Variants in SLC24A5 observed in about 807,000 individuals in gnomAD.
SLC24A5 encodes the protein solute carrier family 24 member 5, also known as sodium/potassium/calcium exchanger 5.
SLC24A5 carries 46 observed loss-of-function variants against 51.6 expected under a neutral mutation model. The observed-to-expected ratio is 0.89, with a 90% CI of 0.70 to 1.14. SLC24A5 has a LOEUF of 1.14. SLC24A5 is among the 50% of genes most tolerant of loss of function. The probability of loss-of-function intolerance (pLI) is 0.00; values close to 1 mark genes in which losing one functional copy is unlikely to be tolerated. For synonymous variants in SLC24A5, 230 were observed against 214.9 expected (o/e 1.07, Z -0.62); for missense variants, 581 against 604.1 (o/e 0.96, Z 0.40).
chr15:48,132,406 C>G (rs1690861965), intron 2 of SLC24A5, among the ~76,000 whole-genome samples: 7 of 152,054 alleles, frequency 4.6e-5, no homozygotes, highest in Admixed American at 4.6e-4. Context: ...TATCTGCTTC[C>G]CCTTACTAAA....
intron 8 of SLC24A5, chr15:48,141,560 A>G (rs1300322862): frequency 6.1e-6 from 1 of 163,978 alleles, no homozygotes; most frequent in African/African-American, 2.4e-5. Context: ...AGCCTGGGCA[A>G]CAGAGCGAGA....
Position 48,139,058 on chromosome 15 carries a change from A to G in SLC24A5, c.961A>G (p.Thr321Ala), listed in dbSNP as rs1176264852. 1 of 1,612,982 alleles carries G rather than the reference A, an allele frequency of 6.2e-7. No individual in the cohort carries two copies. The highest frequency in any genetic ancestry group is 2.2e-5 in the East Asian group (1 of 44,762). Residue 321 changes from threonine to alanine, a missense_variant, in exon 7 of 9, where the codon ACC becomes GCC. Transcript: ENST00000341459. ...SLPIITLLFL[T>A]TPDCRKKFWK... ...TCCTATTATTACATTACTTTTTCTA[A>G]CCACACCAGATTGTAGAAAAAAGTT...
chr15:48,141,238 G>A, intron 8 of SLC24A5, 24 bp downstream of exon 8: 1 of 1,527,612 alleles, frequency 6.5e-7, no homozygotes, highest in Non-Finnish European at 9.1e-7. Context: ...CCCTCAAGCT[G>A]CAATGGTCAT....
At chr15:48,136,281 T>C (rs2038897071) in intron 5 of SLC24A5, 1 of 153,656 alleles carries the variant, frequency 6.5e-6, no homozygotes, top group South Asian at 2.1e-4. Context: ...TATATTATTT[T>C]ATAATTATTA....
intron 1 of SLC24A5, among the ~76,000 whole-genome samples, chr15:48,121,651 T>C (rs1366985461): frequency 6.6e-6 from 1 of 152,214 alleles, no homozygotes; most frequent in Non-Finnish European, 1.5e-5. Flanking sequence ...ACATATTTCA[T>C]TAAGATATCT....
In SLC24A5 at chr15:48,134,398, G is replaced by A. The variant is rs766172033; in HGVS notation, c.386-37G>A. ...TCAGTGTGATTTTTATTTTCTTCAA[G>A]TTAACACTAACTTAGCTGGTACTAT... On this transcript the variant is annotated intron_variant, in intron 3 of 8. Coordinates refer to ENST00000341459, the MANE Select transcript of SLC24A5 (RefSeq NM_205850.3). 4.3e-6 allele frequency: 7 copies of A among 1,609,598 alleles called. No homozygotes were observed. In the Admixed American group the frequency reaches 1.0e-4, roughly 23 times the overall value.
intron 2 of SLC24A5, chr15:48,122,311 T>C: frequency 3.5e-6 from 2 of 573,068 alleles, no homozygotes; most frequent in South Asian, 2.4e-5. Flanking sequence ...TGGATGTTTG[T>C]TATAAGAACT....
chr15:48,139,200 C>A (rs1036272764), intron 7 of SLC24A5, 25 bp downstream of exon 7: 15 of 1,557,786 alleles, frequency 9.6e-6, no homozygotes, highest in Non-Finnish European at 1.3e-5. Flanking sequence ...TACAATAGCA[C>A]AACTTGAAAA....
chr15:48,132,640 T>TTCTCA (rs2038802585), intron 2 of SLC24A5, among the ~76,000 whole-genome samples: 1 of 152,062 alleles, frequency 6.6e-6, no homozygotes, highest in South Asian at 2.1e-4. Flanking sequence ...TCACTCAGGG[T>TTCTCA]CTCTTGTGCA....
intron 2 of SLC24A5, among the ~76,000 whole-genome samples, chr15:48,126,597 T>C (rs538522516): frequency 6.6e-6 from 1 of 152,256 alleles, no homozygotes; most frequent in East Asian, 1.9e-4. Flanking sequence ...CTAAAGGAGC[T>C]AGAGGTAATG....
chr15:48,131,342 T>C (rs1034818682), intron 2 of SLC24A5, among the ~76,000 whole-genome samples: 7 of 152,062 alleles, frequency 4.6e-5, no homozygotes, highest in Non-Finnish European at 8.8e-5. Flanking sequence ...CTAGGAAATA[T>C]GCTATGGTTT....
At chr15:48,123,006 T>G (rs2038695612) in intron 2 of SLC24A5, 1 of 151,780 alleles carries the variant, frequency 6.6e-6, no homozygotes, top group Non-Finnish European at 1.5e-5. Flanking sequence ...GAATGTAAAC[T>G]CTCCCTTTTC....
chr15:48,134,204 A>T (rs532592739), intron 2 of SLC24A5, 54 bp from the exon 3 acceptor site: 2 of 1,457,970 alleles, frequency 1.4e-6, no homozygotes, highest in African/African-American at 2.9e-5. Flanking sequence ...GTTTAGTTGT[A>T]AAGACATACT....
rs1234647218 is a variant in SLC24A5 at position 48,141,153 on chromosome 15, T to C, written c.1119T>C (p.Thr373=). ...LEIPDTVMGL[T]LLAAGTSIPD... ...TTCCCGATACAGTAATGGGCCTTAC[T>C]TTATTAGCAGCAGGAACAAGCATAC... is the stretch of plus-strand genomic sequence containing the variant. The change falls in exon 8 of 9, where the codon ACT becomes ACC. Residue 373 remains threonine (T), a synonymous_variant. Coordinates refer to ENST00000341459, the MANE Select transcript of SLC24A5 (RefSeq NM_205850.3). 1 of 1,613,922 alleles carries C rather than the reference T, an allele frequency of 6.2e-7. No individual in the cohort carries two copies. The highest frequency in any genetic ancestry group is 8.5e-7 in the Non-Finnish European group (1 of 1,179,844).
intron 7 of SLC24A5, chr15:48,140,780 A>G (rs890804024): frequency 1.3e-4 from 29 of 219,364 alleles, no homozygotes; most frequent in Non-Finnish European, 2.7e-4. Context: ...GATCAGTCTC[A>G]TTATCAAATA....
At chr15:48,133,916 G>A (rs1202550198) in intron 2 of SLC24A5, among the ~76,000 whole-genome samples, 1 of 151,956 alleles carries the variant, frequency 6.6e-6, no homozygotes, top group Non-Finnish European at 1.5e-5. Context: ...TTTGAAGTTG[G>A]GTTAGGATTT....
At chr15:48,136,500 CA>C (rs1411755167) in intron 5 of SLC24A5, 182 bp from the exon 6 acceptor site, 1 of 473,740 alleles carries the variant, frequency 2.1e-6, no homozygotes, top group Non-Finnish European at 3.5e-6. Flanking sequence ...CAGCTTTTAT[CA>C]ATAAACATAA....
At chr15:48,124,143 T>C (rs987982856) in intron 2 of SLC24A5, 2 of 152,148 alleles carry the variant, frequency 1.3e-5, no homozygotes, top group Non-Finnish European at 2.9e-5. Context: ...TAAGTAAATT[T>C]GTAAATCTTT....
chr15:48,137,487 A>G (rs2038931107), intron 6 of SLC24A5: 1 of 152,218 alleles, frequency 6.6e-6, no homozygotes, highest in Non-Finnish European at 1.5e-5. Flanking sequence ...CTGAGGAGAG[A>G]AATTATTAGA....
Sources: gnomAD v4.1 joint callset for allele counts (sites outside exome capture counted in the v4.1 genomes callset) on GRCh38, gnomAD v4.1.1 for gene constraint, MANE v1.5 for transcripts, NCBI Gene and HGNC (gene_info 2026-07-23, HGNC 2026-07-21) for gene names.